PLEKHM3: variants seen among roughly 807,000 people sequenced by gnomAD.
PLEKHM3 encodes the protein pleckstrin homology domain-containing family M member 3.
A neutral mutation model predicts 81.8 loss-of-function variants in PLEKHM3; 45 were observed. The ratio of observed to expected loss-of-function variants is 0.55; its 90% confidence interval spans 0.43 to 0.71. The LOEUF is 0.71. Ranked by LOEUF, PLEKHM3 falls within the 30% of genes least tolerant of loss-of-function variation. PLEKHM3 has a pLI of 0.00. For missense variants in PLEKHM3, 788 were observed against 924.3 expected (o/e 0.85, Z 1.91); for synonymous variants, 352 against 356.4 (o/e 0.99, Z 0.14).
At chr2:207,923,905 A>ATATATATATATATTT (rs1396762429) in intron 5 of PLEKHM3, among the ~76,000 whole-genome samples, 8 of 28,338 alleles carry the variant, frequency 2.8e-4, no homozygotes, top group East Asian at 9.1e-4. Context: ...ATATATATAT[A>ATATATATATATATTT]TTTTTTTTTT....
At chr2:207,859,764 A>AT (rs1332273393) in intron 7 of PLEKHM3, among the ~76,000 whole-genome samples, 1 of 151,600 alleles carries the variant, frequency 6.6e-6, no homozygotes, top group Non-Finnish European at 1.5e-5. Flanking sequence ...TGCCCGGCTA[A>AT]TTTTTGTATC....
Position 207,889,881 on chromosome 2 carries a change from G to A in PLEKHM3, c.1950+18633C>T, listed in dbSNP as rs144739502. On this transcript the variant is annotated intron_variant, in intron 6 of 7. Coordinates refer to ENST00000427836, the MANE Select transcript of PLEKHM3 (RefSeq NM_001080475.3). Reference sequence around the variant, plus strand: ...TGCAGTGGCTTGATCTCGGCTCACCGCAACCTCTGTCTCCCGGGTTCAAGT... The same window carrying A: ...TGCAGTGGCTTGATCTCGGCTCACCACAACCTCTGTCTCCCGGGTTCAAGT... 2.5e-3 allele frequency among the ~76,000 whole-genome samples: 383 copies of A among 152,114 alleles called. 2 individuals carry two copies. The highest frequency in any genetic ancestry group is 8.6e-3 in the African/African-American group (355 of 41,492).
chr2:207,937,438 C>T (rs1349285012), intron 4 of PLEKHM3, among the ~76,000 whole-genome samples: 2 of 151,836 alleles, frequency 1.3e-5, no homozygotes, highest in African/African-American at 2.4e-5. Context: ...GGTGTAGTGG[C>T]GTGCGCCTGT....
At chr2:208,014,612 C>T (rs1692817322) in intron 1 of PLEKHM3, among the ~76,000 whole-genome samples, 1 of 152,262 alleles carries the variant, frequency 6.6e-6, no homozygotes, top group South Asian at 2.1e-4. Context: ...CCACTGCACT[C>T]TGGCCTGGGC....
intron 2 of PLEKHM3, among the ~76,000 whole-genome samples, chr2:207,994,108 A>C (rs1691991473): frequency 2.0e-5 from 3 of 152,300 alleles, no homozygotes; most frequent in African/African-American, 7.2e-5. Flanking sequence ...ATAGACAATA[A>C]AGTGGTTTTT....
intron 3 of PLEKHM3, among the ~76,000 whole-genome samples, chr2:207,967,166 T>C (rs1485061688): frequency 6.6e-6 from 1 of 152,084 alleles, no homozygotes; most frequent in African/African-American, 2.4e-5. Context: ...TTTTTATTTT[T>C]TATTTTTTGG....
intron 7 of PLEKHM3, among the ~76,000 whole-genome samples, chr2:207,846,303 G>A (rs912046772): frequency 2.6e-5 from 4 of 151,824 alleles, no homozygotes; most frequent in East Asian, 3.9e-4. Context: ...CACCACACCC[G>A]GCTAATTTTT....
chr2:207,864,926 G>A (rs1445035415), intron 6 of PLEKHM3, among the ~76,000 whole-genome samples: 1 of 152,000 alleles, frequency 6.6e-6, no homozygotes, highest in Non-Finnish European at 1.5e-5. Flanking sequence ...TTAGTTTAAG[G>A]TTAAACTTTT....
chr2:207,841,528 G>T (rs2092354333), intron 7 of PLEKHM3, among the ~76,000 whole-genome samples: 1 of 117,410 alleles, frequency 8.5e-6, no homozygotes, highest in Admixed American at 1.1e-4. Context: ...TTTCTTTCTA[G>T]TACATTTCTA....
At chr2:207,858,778 G>A (rs541368600) in intron 7 of PLEKHM3, among the ~76,000 whole-genome samples, 1 of 152,220 alleles carries the variant, frequency 6.6e-6, no homozygotes, top group African/African-American at 2.4e-5. Flanking sequence ...ACCGTGCCTA[G>A]CCATTAAACT....
intron 4 of PLEKHM3, among the ~76,000 whole-genome samples, chr2:207,937,062 G>A (rs1689779925): frequency 6.6e-6 from 1 of 152,162 alleles, no homozygotes; most frequent in Admixed American, 6.5e-5. Flanking sequence ...GGTTGCCTCT[G>A]AGAAGAATGG....
intron 1 of PLEKHM3, among the ~76,000 whole-genome samples, chr2:208,016,668 A>AAACACACACACACAC (rs1553568085): frequency 5.4e-4 from 33 of 61,562 alleles, no homozygotes; most frequent in Non-Finnish European, 8.7e-4. Flanking sequence ...AAAAAAAAAA[A>AAACACACACACACAC]ATACACACAC....
rs1158467741 is a variant in PLEKHM3, at chr2:207,946,364, T to G, written c.1692+3A>C. On this transcript the variant is annotated splice_donor_region_variant and intron_variant, in intron 4 of 7. Coordinates refer to ENST00000427836, the MANE Select transcript of PLEKHM3 (RefSeq NM_001080475.3). ...ATTAAGTGAACTGAGTTTTTGTACC[T>G]ACCTTATACTTTGAAGTATCCCAGT... The G allele has an allele frequency of 6.2e-7, 1 of 1,611,876 alleles. No individual in the cohort carries two copies.
intron 3 of PLEKHM3, among the ~76,000 whole-genome samples, chr2:207,975,583 T>A (rs1186802431): frequency 1.9e-4 from 5 of 26,256 alleles, no homozygotes; most frequent in African/African-American, 3.6e-4. Context: ...TTTTAAAAGC[T>A]TTTTTTTTTT....
chr2:207,912,056 C>T (rs1688826105), intron 5 of PLEKHM3, among the ~76,000 whole-genome samples: 1 of 152,212 alleles, frequency 6.6e-6, no homozygotes, highest in Non-Finnish European at 1.5e-5. Flanking sequence ...CAAGCACTTA[C>T]TGAGTGTCTA....
intron 7 of PLEKHM3, among the ~76,000 whole-genome samples, chr2:207,833,268 G>T (rs6435390): frequency 0.66 from 100,846 of 152,058 alleles, 33,939 homozygotes; most frequent in African/African-American, 0.76. Flanking sequence ...GCTGAAAATT[G>T]CAACAGGTAA....
intron 6 of PLEKHM3, among the ~76,000 whole-genome samples, chr2:207,877,371 G>C (rs981063430): frequency 6.6e-6 from 1 of 152,200 alleles, no homozygotes; most frequent in Admixed American, 6.5e-5. Flanking sequence ...GCCAGAGGAA[G>C]GGAGAGCTGA....
At chr2:207,867,539 T>C (rs1265803409) in intron 6 of PLEKHM3, among the ~76,000 whole-genome samples, 1 of 152,164 alleles carries the variant, frequency 6.6e-6, no homozygotes, top group African/African-American at 2.4e-5. Flanking sequence ...CCGGCCATCC[T>C]AGCATCTGGT....
chr2:207,981,537 G>T (rs1477723574), intron 2 of PLEKHM3, among the ~76,000 whole-genome samples: 2 of 152,082 alleles, frequency 1.3e-5, no homozygotes, highest in Non-Finnish European at 2.9e-5. Flanking sequence ...TGTAGAGAAG[G>T]AATCTTACTC....
Sources: allele counts gnomAD v4.1 joint callset (sites outside exome capture counted in the v4.1 genomes callset), GRCh38; gene constraint gnomAD v4.1.1; transcripts MANE v1.5; gene names NCBI Gene and HGNC (gene_info 2026-07-23, HGNC 2026-07-21).